Variants in SAMD4B observed in about 807,000 individuals in gnomAD.
SAMD4B encodes protein Smaug homolog 2.
A neutral mutation model predicts 74.5 loss-of-function variants in SAMD4B; 5 were observed. That is an observed-to-expected ratio of 0.07 (90% confidence interval 0.04 to 0.14). The LOEUF is 0.14. Among genes scored for constraint, SAMD4B ranks in the 10% least tolerant of loss-of-function variants. The pLI is 1.00. For missense variants in SAMD4B, 608 were observed against 921.8 expected (o/e 0.66, Z 4.41); for synonymous variants, 373 against 374.9 (o/e 1.00, Z 0.06).
At chr19:39,357,213 G>A in intron 3 of SAMD4B, 124 bp downstream of exon 3, 1 of 752,950 alleles carries the variant, frequency 1.3e-6, no homozygotes, top group Non-Finnish European at 2.1e-6. Context: ...TGGTGGGTGG[G>A]GAGTTCCTTA....
intron 1 of SAMD4B, among the ~76,000 whole-genome samples, chr19:39,348,927 C>T (rs2075856944): frequency 6.6e-6 from 1 of 152,090 alleles, no homozygotes; most frequent in South Asian, 2.1e-4. Context: ...GTCATTTATG[C>T]CTCACAACTC....
In SAMD4B at chr19:39,378,583, T is replaced by A. The variant is rs2077743841; in HGVS notation, c.1524T>A (p.Thr508=). The A allele has an allele frequency of 6.2e-7, 1 of 1,613,538 alleles. No homozygotes were observed. The highest frequency in any genetic ancestry group is 1.7e-4 in the Middle Eastern group (1 of 6,040). The change falls in exon 9 of 14, where the codon ACT becomes ACA. Residue 508 remains threonine (T), a synonymous_variant. Coordinates refer to ENST00000610417, the MANE Select transcript of SAMD4B (RefSeq NM_001384574.2). This position sits in a 1 kb window ranked among gnomAD's most constrained non-coding sequence, Gnocchi z 4.4. ...TCCAGCTCATCGAAAAGTGCCTGAC[T>A]CATGAGGTAAGGCCTTCCCTAGCAT... is the stretch of plus-strand genomic sequence containing the variant. The part of the protein sequence containing the change: ...SYLQLIEKCL[T]HEAFTETQKK...
In SAMD4B at chr19:39,377,633, C is replaced by A. The variant is rs377523199; in HGVS notation, c.1253C>A (p.Pro418Gln). The change falls in exon 8 of 14, where the codon CCA becomes CAA. Residue 418 changes from proline to glutamine, a missense_variant. Pro to Gln is a moderately conservative substitution (Grantham distance 76, BLOSUM62 -1). This residue lies in a region of SAMD4B where 99 missense variants were observed against 112.1 expected (regional missense o/e 0.88). Transcript: ENST00000610417. ...PTAKDGAPGE[P>Q]PLPGAEPPLA... ...GCCAAGGATGGGGCCCCGGGGGAAC[C>A]ACCGCTGCCAGGTGCTGAGCCTCCC... 6.2e-7 allele frequency: 1 copy of A among 1,613,972 alleles called. No homozygotes were observed. The highest frequency in any genetic ancestry group is 1.3e-5 in the African/African-American group (1 of 74,950).
At chr19:39,374,961 G>C (rs780234606) in intron 4 of SAMD4B, among the ~76,000 whole-genome samples, 11 of 152,192 alleles carry the variant, frequency 7.2e-5, no homozygotes, top group Non-Finnish European at 1.3e-4. Context: ...CAGCAGAGGT[G>C]GGCAGTGACT....
At position 39,385,603 on chromosome 19, in the gene SAMD4B, T is replaced by C. The variant is rs1451240563; in HGVS notation, c.*2076T>C. ...GAATCAGCTTTGAGTAACTGTACAG[T>C]TTTTCTCGCTGTTGGAGAAGACTTA... On this transcript the variant is annotated 3_prime_UTR_variant, in exon 14 of 14. Transcript: ENST00000610417. The C allele has an allele frequency of 2.4e-5, 12 of 509,224 alleles. No homozygotes were observed. Among genetic ancestry groups the C allele is most frequent in the Admixed American group, 1.5e-4 (4 of 26,852 alleles). 31.5% of individuals were successfully genotyped at this position (509,224 alleles called of 1,614,324 possible).
chr19:39,361,383 G>A (rs1204430053), intron 3 of SAMD4B, among the ~76,000 whole-genome samples: 9 of 152,080 alleles, frequency 5.9e-5, no homozygotes, highest in South Asian at 2.1e-4. Flanking sequence ...TTGGGAGGCC[G>A]AGGCAGGCGG....
rs148649797 is a variant in SAMD4B, at chr19:39,382,539, G to A, written c.1973-669G>A. On this transcript the variant is annotated intron_variant, in intron 12 of 13. Transcript: ENST00000610417. ...GAGATGAGGGTGGAGATGGGAGCTG[G>A]GTCGTCTAAATCCAGGTAAACAGCT... Among the ~76,000 whole-genome samples the A allele has an allele frequency of 4.8e-3, 737 of 152,246 alleles. 3 individuals are homozygous for A. Among genetic ancestry groups the A allele is most frequent in the African/African-American group, 0.016 (656 of 41,530 alleles).
At chr19:39,360,426 G>A (rs1003700863) in intron 3 of SAMD4B, among the ~76,000 whole-genome samples, 1 of 152,144 alleles carries the variant, frequency 6.6e-6, no homozygotes, top group East Asian at 1.9e-4. Context: ...TAACAAGCTG[G>A]TACTTAAATG....
Position 39,356,860 on chromosome 19 carries a change from GCCGT to G in SAMD4B, c.-31_-28del. ...TGTGACGGCGCTGGCCCTCGCCACC[GCCGT>G]CCCCCGACCCTGGCCCCAGGCCCGG... On this transcript the variant is annotated 5_prime_UTR_variant, in exon 3 of 14. Transcript: ENST00000610417. 6.4e-7 allele frequency: 1 copy of G among 1,570,938 alleles called. No individual in the cohort carries two copies. Among genetic ancestry groups the G allele is most frequent in the East Asian group, 2.3e-5 (1 of 43,868 alleles).
At chr19:39,366,036 G>T (rs1054561010) in intron 3 of SAMD4B, among the ~76,000 whole-genome samples, 1 of 152,128 alleles carries the variant, frequency 6.6e-6, no homozygotes, top group Non-Finnish European at 1.5e-5. Flanking sequence ...AAAGTAACAG[G>T]CAGGACACGG....
chr19:39,375,806 G>A lies in SAMD4B; in HGVS notation c.824G>A (p.Ser275Asn), dbSNP rs2077568129. The change falls in exon 5 of 14, where the codon AGC becomes AAC. Residue 275 changes from serine (S) to asparagine (N), a missense_variant. By Grantham distance (46) the Ser-to-Asn change is conservative. This residue lies in a region of SAMD4B where 31 missense variants were observed against 43.4 expected (regional missense o/e 0.71). Coordinates refer to ENST00000610417, the MANE Select transcript of SAMD4B (RefSeq NM_001384574.2). The surrounding 1 kb of genome is among the most constrained non-coding windows in gnomAD (Gnocchi z 4.1). ...CACGCACCTCTCTCGCCCCAGAGCAGCGTGGCCTCCTCTGGCAGTGAGCAG... is the reference window on the plus strand; with the variant it reads ...CACGCACCTCTCTCGCCCCAGAGCAACGTGGCCTCCTCTGGCAGTGAGCAG... ...PDHAPLSPQS[S>N]VASSGSEQTE... The A allele has an allele frequency of 6.2e-7, 1 of 1,613,954 alleles. No homozygotes were observed. The highest frequency in any genetic ancestry group is 8.5e-7 in the Non-Finnish European group (1 of 1,180,036).
At chr19:39,348,349 GACT>G (rs2075821468) in intron 1 of SAMD4B, 1 of 152,196 alleles carries the variant, frequency 6.6e-6, no homozygotes, top group Non-Finnish European at 1.5e-5. Context: ...TGATATCATA[GACT>G]CCTTCCTACT....
Position 39,356,724 on chromosome 19 carries a change from C to T in SAMD4B, c.-170C>T. The T allele has an allele frequency of 1.8e-6, 1 of 570,314 alleles. No individual in the cohort carries two copies. Among genetic ancestry groups the T allele is most frequent in the Non-Finnish European group, 3.1e-6 (1 of 322,376 alleles). 35.3% of individuals were successfully genotyped at this position (570,314 alleles called of 1,614,324 possible). A position where few individuals can be genotyped will look rare whatever the true frequency, so the allele number is the denominator to read the frequency against. ...AGGCGTGGCTGGACCAAGACCTCCC[C>T]CCATGTGAGCAGGCTTCCTCCTCCC... On this transcript the variant is annotated 5_prime_UTR_variant, in exon 3 of 14. Transcript: ENST00000610417.
Position 39,357,058 on chromosome 19 carries a change from C to T in SAMD4B, c.165C>T (p.Ile55=). 1.2e-6 allele frequency: 2 copies of T among 1,612,158 alleles called. No homozygotes were observed. Among genetic ancestry groups the T allele is most frequent in the Non-Finnish European group, 1.7e-6 (2 of 1,178,418 alleles). Residue 55 remains isoleucine (I), a synonymous_variant, in exon 3 of 14, where the codon ATC becomes ATT. Coordinates refer to ENST00000610417, the MANE Select transcript of SAMD4B (RefSeq NM_001384574.2). The part of the protein sequence containing the change: ...LEHSLADCND[I]HLLESEANSA... ...ACTCACTGGCGGACTGCAATGACAT[C>T]CACCTGCTGGAGTCGGAGGCCAACA...
chr19:39,385,748 C>CTCTG, downstream of SAMD4B: 1 of 598,210 alleles, frequency 1.7e-6, no homozygotes, highest in East Asian at 2.8e-5. Context: ...TTGGCCCTGC[C>CTCTG]TCTGGCCTGT....
At position 39,369,696 on chromosome 19, in the gene SAMD4B, G is replaced by C. The variant is rs746809955; in HGVS notation, c.238G>C (p.Val80Leu). 2 of 1,614,148 alleles carry C rather than the reference G, an allele frequency of 1.2e-6. No individual in the cohort carries two copies. Among genetic ancestry groups the C allele is most frequent in the Non-Finnish European group, 1.7e-6 (2 of 1,180,018 alleles). ...GCAGCAGGAGTCCAAAGAGAAGGTGGTGTCCCTCCTGCTGTCCCACCTTCC... is the reference window on the plus strand; with the variant it reads ...GCAGCAGGAGTCCAAAGAGAAGGTGCTGTCCCTCCTGCTGTCCCACCTTCC... The part of the protein sequence containing the change: ...QWQQESKEKV[V>L]SLLLSHLPLL... The change falls in exon 4 of 14, where the codon GTG (valine) becomes CTG (leucine). Residue 80 changes from valine (V) to leucine (L), a missense_variant. Physicochemically the swap from Val to Leu is conservative, Grantham distance 32. Transcript: ENST00000610417.
At chr19:39,343,713 A>G (rs191252745) in intron 1 of SAMD4B, among the ~76,000 whole-genome samples, 99 of 151,952 alleles carry the variant, frequency 6.5e-4, no homozygotes, top group African/African-American at 2.0e-3. Context: ...GACTCTCAGC[A>G]TCATATTCCA....
downstream of SAMD4B, chr19:39,389,013 G>T: frequency 6.2e-7 from 1 of 1,614,126 alleles, no homozygotes; most frequent in East Asian, 2.2e-5. This position sits in a 1 kb window ranked among gnomAD's most constrained non-coding sequence, Gnocchi z 5.3. Context: ...AATGCTGTGA[G>T]ATCTGGTGGA....
chr19:39,344,916 T>C (rs997749292), intron 1 of SAMD4B, among the ~76,000 whole-genome samples: 2 of 152,150 alleles, frequency 1.3e-5, no homozygotes, highest in South Asian at 4.1e-4. Context: ...CCATTTCCCT[T>C]TCAGAAGCCT....
Sources: gnomAD v4.1 joint callset for allele counts (sites outside exome capture counted in the v4.1 genomes callset) on GRCh38, gnomAD v4.1.1 for gene constraint, gnomAD v4.1.1 regional missense constraint, Gnocchi (gnomAD v3.1) non-coding constraint, MANE v1.5 for transcripts, NCBI Gene and HGNC (gene_info 2026-07-23, HGNC 2026-07-21) for gene names.